DYM: variants seen among roughly 807,000 people sequenced by gnomAD.
DYM encodes dymeclin, also known as dyggve-Melchior-Clausen syndrome protein.
A neutral mutation model predicts 93.1 loss-of-function variants in DYM; 78 were observed. The ratio of observed to expected loss-of-function variants is 0.84; its 90% confidence interval spans 0.70 to 1.01. DYM has a LOEUF of 1.01. DYM is among the 50% of genes least tolerant of loss of function. The probability of loss-of-function intolerance (pLI) is 0.00; values close to 1 mark genes in which losing one functional copy is unlikely to be tolerated. For synonymous variants in DYM, 321 were observed against 319.7 expected, an observed-to-expected ratio of 1.00 and a Z score of -0.04; for missense variants, 789 against 845.0, an observed-to-expected ratio of 0.93 and a Z score of 0.82.
intron 6 of DYM, among the ~76,000 whole-genome samples, chr18:49,342,928 T>C (rs1323689261): frequency 6.6e-6 from 1 of 152,186 alleles, no homozygotes. Context: ...CAACAATGTA[T>C]TTCTCACAAT....
intron 1 of DYM, among the ~76,000 whole-genome samples, chr18:49,456,704 A>C (rs1041867199): frequency 6.6e-6 from 1 of 152,244 alleles, no homozygotes; most frequent in African/African-American, 2.4e-5. Context: ...ACCTATATGT[A>C]AAGTTGTTCC....
At chr18:49,275,403 G>T (rs978125749) in intron 10 of DYM, among the ~76,000 whole-genome samples, 4 of 152,134 alleles carry the variant, frequency 2.6e-5, no homozygotes, top group Non-Finnish European at 4.4e-5. Flanking sequence ...TAGAAAGTAT[G>T]AGTCCTCCAA....
chr18:49,196,287 C>A (rs935532876), intron 14 of DYM, among the ~76,000 whole-genome samples: 1 of 152,118 alleles, frequency 6.6e-6, no homozygotes, highest in Non-Finnish European at 1.5e-5. Flanking sequence ...TTTACTGCTT[C>A]TCTAAGTCTA....
At chr18:49,135,168 TA>T (rs1238052277) in intron 15 of DYM, among the ~76,000 whole-genome samples, 1 of 152,050 alleles carries the variant, frequency 6.6e-6, no homozygotes, top group South Asian at 2.1e-4. Flanking sequence ...AACAACATTT[TA>T]AAAAAGAGAA....
At chr18:49,444,848 A>G (rs2081967569) in intron 1 of DYM, among the ~76,000 whole-genome samples, 2 of 152,230 alleles carry the variant, frequency 1.3e-5, no homozygotes, top group South Asian at 4.1e-4. Flanking sequence ...TTCACAGACT[A>G]TTAGCAGTAT....
chr18:49,103,501 G>C (rs1360361373), intron 16 of DYM, among the ~76,000 whole-genome samples: 1 of 152,196 alleles, frequency 6.6e-6, no homozygotes. Flanking sequence ...TCTATGTCCT[G>C]AATGGTATTG....
chr18:49,316,833 G>A (rs912763685), intron 8 of DYM, among the ~76,000 whole-genome samples: 1 of 151,896 alleles, frequency 6.6e-6, no homozygotes, highest in Admixed American at 6.6e-5. Context: ...TCTTCAGACT[G>A]GCTTCCTTCC....
intron 13 of DYM, among the ~76,000 whole-genome samples, chr18:49,231,719 C>T (rs1288293952): frequency 2.0e-5 from 3 of 152,172 alleles, no homozygotes; most frequent in African/African-American, 2.4e-5. Flanking sequence ...GAGGTAGTGG[C>T]AGTCTAGATC....
At position 49,079,021 on chromosome 18, in the gene DYM, A is replaced by G. The variant is rs141463690; in HGVS notation, c.2025+18381T>C. On this transcript the variant is annotated intron_variant, in intron 17 of 17. Transcript: ENST00000675505. ...TCTTGGTTTTTGTCATTGGCTTTCA[A>G]CAGCTTTGATGCTACAATGCCTTGA... Among the ~76,000 whole-genome samples the G allele has an allele frequency of 5.0e-3, 765 of 152,330 alleles. 2 individuals are homozygous for G. Among genetic ancestry groups the G allele is most frequent in the Middle Eastern group, 0.01 (3 of 294 alleles).
chr18:49,452,498 G>T (rs1170703567), intron 1 of DYM, among the ~76,000 whole-genome samples: 1 of 152,090 alleles, frequency 6.6e-6, no homozygotes, highest in African/African-American at 2.4e-5. Context: ...CAATCCCTGA[G>T]CTAGATATAA....
chr18:49,240,280 C>T (rs915392575), intron 13 of DYM, among the ~76,000 whole-genome samples: 2 of 151,944 alleles, frequency 1.3e-5, no homozygotes, highest in African/African-American at 4.8e-5. Context: ...TCTCAGGGCC[C>T]CTTTCAACTC....
At chr18:49,375,193 G>GACAC (rs34631271) in intron 5 of DYM, among the ~76,000 whole-genome samples, 1,860 of 137,962 alleles carry the variant, frequency 0.013, 25 homozygotes, top group African/African-American at 0.033. Context: ...AAGGGGAAAA[G>GACAC]ACACACACAC....
At chr18:49,330,039 T>C (rs1392760385) in intron 8 of DYM, among the ~76,000 whole-genome samples, 1 of 152,248 alleles carries the variant, frequency 6.6e-6, no homozygotes, top group Non-Finnish European at 1.5e-5. Flanking sequence ...TGATCGTTTT[T>C]ACATTTCATT....
chr18:49,378,812 A>G (rs1264685819), intron 4 of DYM, 112 bp from the exon 5 acceptor site: 2 of 1,051,192 alleles, frequency 1.9e-6, no homozygotes, highest in African/African-American at 1.6e-5. Flanking sequence ...TCCTATTGGT[A>G]ATATTAGGAT....
At chr18:49,152,570 C>G (rs2085942677) in intron 15 of DYM, among the ~76,000 whole-genome samples, 1 of 152,152 alleles carries the variant, frequency 6.6e-6, no homozygotes, top group African/African-American at 2.4e-5. Context: ...TGAAAAGCAG[C>G]AGGAGGTTCC....
At chr18:49,176,729 A>G (rs1293285619) in intron 14 of DYM, among the ~76,000 whole-genome samples, 2 of 151,902 alleles carry the variant, frequency 1.3e-5, no homozygotes, top group East Asian at 3.9e-4. Context: ...TCCAATTTTG[A>G]CTAGATTTGG....
chr18:49,314,624 T>A (rs2061810725), intron 8 of DYM, among the ~76,000 whole-genome samples: 1 of 152,252 alleles, frequency 6.6e-6, no homozygotes, highest in Non-Finnish European at 1.5e-5. Context: ...AATGTAACAT[T>A]CATTTCCAGT....
chr18:49,120,078 CAA>C (rs71165367), intron 15 of DYM, among the ~76,000 whole-genome samples: 6 of 56,152 alleles, frequency 1.1e-4, no homozygotes, highest in Admixed American at 2.0e-4. Context: ...GATCCTGTCT[CAA>C]AAAAAAAAAA....
At position 49,188,998 on chromosome 18, in the gene DYM, A is replaced by G. The variant is rs183375175; in HGVS notation, c.1625+20553T>C. Among the ~76,000 whole-genome samples the G allele has an allele frequency of 2.6e-5, 4 of 152,360 alleles. No individual in the cohort carries two copies. The East Asian group carries it at 5.8e-4, about 22-fold the overall frequency. ...ATACACCATGAAATACTAAGCAGCC[A>G]TAAACAAGAACAAAATCATGTATTT... On this transcript the variant is annotated intron_variant, in intron 14 of 17. Coordinates refer to ENST00000675505, the MANE Select transcript of DYM (RefSeq NM_001353214.3).
Sources: gnomAD v4.1 joint callset for allele counts (sites outside exome capture counted in the v4.1 genomes callset) on GRCh38, gnomAD v4.1.1 for gene constraint, MANE v1.5 for transcripts, NCBI Gene and HGNC (gene_info 2026-07-23, HGNC 2026-07-21) for gene names.